The following KATNAL2 variants were observed in gnomAD, a reference collection of about 807,000 sequenced individuals.
KATNAL2 encodes katanin catalytic subunit A1 like 2.
A neutral mutation model predicts 76.3 loss-of-function variants in KATNAL2; 52 were observed. That is an observed-to-expected ratio of 0.68 (90% CI 0.55 to 0.86). The LOEUF is 0.86. Ranked by LOEUF, KATNAL2 falls within the 40% of genes least tolerant of loss-of-function variation. KATNAL2 has a pLI of 0.00. For synonymous variants in KATNAL2, 243 were observed against 244.2 expected, an observed-to-expected ratio of 1.00 and a Z score of 0.05; for missense variants, 660 against 668.9, an observed-to-expected ratio of 0.99 and a Z score of 0.15.
chr18:47,073,012 A>G (rs1160862812), intron 13 of KATNAL2, among the ~76,000 whole-genome samples: 1 of 152,120 alleles, frequency 6.6e-6, no homozygotes, highest in Non-Finnish European at 1.5e-5. Context: ...ATTTTTGCCC[A>G]TATAGTATGG....
intron 10 of KATNAL2, among the ~76,000 whole-genome samples, chr18:47,065,544 T>C (rs1209413328): frequency 6.6e-6 from 1 of 151,922 alleles, no homozygotes; most frequent in Admixed American, 6.6e-5. Context: ...TGGCATGTGC[T>C]GGTAGTCCTA....
At chr18:47,034,764 G>A (rs1478266430) in intron 3 of KATNAL2, 2 of 1,612,752 alleles carry the variant, frequency 1.2e-6, no homozygotes, top group Non-Finnish European at 1.7e-6. Flanking sequence ...AGGCCCGATA[G>A]CGGCCGGAAT....
intron 15 of KATNAL2, chr18:47,091,330 A>C (rs2062990933): frequency 6.6e-6 from 1 of 152,156 alleles, no homozygotes; most frequent in Non-Finnish European, 1.5e-5. Flanking sequence ...GCTGCATTTC[A>C]CACTTGCTGT....
At chr18:46,947,165 G>A (rs979667333) in intron 3 of KATNAL2, among the ~76,000 whole-genome samples, 1 of 152,158 alleles carries the variant, frequency 6.6e-6, no homozygotes, top group Non-Finnish European at 1.5e-5. Flanking sequence ...TGAAAGGGAC[G>A]GCAGGGTCGG....
At chr18:47,036,352 G>C (rs960764175) in intron 3 of KATNAL2, among the ~76,000 whole-genome samples, 1 of 152,182 alleles carries the variant, frequency 6.6e-6, no homozygotes, top group Non-Finnish European at 1.5e-5. Context: ...AACTCTGTTA[G>C]TAAGCATATT....
At chr18:47,093,888 C>T (rs77087842) in intron 15 of KATNAL2, among the ~76,000 whole-genome samples, 64 of 152,290 alleles carry the variant, frequency 4.2e-4, no homozygotes, top group Middle Eastern at 6.8e-3. Flanking sequence ...TTTTTAATTT[C>T]TTCTATCATA....
intron 1 of KATNAL2, among the ~76,000 whole-genome samples, chr18:46,931,139 T>TAATAATAATAATAATAATAAA (rs1555824545): frequency 2.3e-4 from 28 of 122,792 alleles, no homozygotes; most frequent in Non-Finnish European, 3.1e-4. Flanking sequence ...ATAATAATAA[T>TAATAATAATAATAATAATAAA]AAATAAATAA....
At chr18:46,961,591 T>C (rs2059955670) in intron 3 of KATNAL2, among the ~76,000 whole-genome samples, 1 of 152,192 alleles carries the variant, frequency 6.6e-6, no homozygotes, top group African/African-American at 2.4e-5. Context: ...TGAAAGACAT[T>C]TTTCAAATAC....
chr18:46,926,144 T>G (rs2058722678), intron 1 of KATNAL2, among the ~76,000 whole-genome samples: 2 of 152,220 alleles, frequency 1.3e-5, no homozygotes, highest in South Asian at 4.1e-4. Flanking sequence ...ATGTGTTTGC[T>G]CTTGCTTTTC....
chr18:47,037,850 AT>A (rs5824648), intron 3 of KATNAL2, among the ~76,000 whole-genome samples: 305 of 148,018 alleles, frequency 2.1e-3, no homozygotes, highest in African/African-American at 3.4e-3. Context: ...TAGGAAAGCC[AT>A]TTTTTTTTTT....
intron 3 of KATNAL2, chr18:47,032,861 A>C (rs1215494884): frequency 1.3e-6 from 2 of 1,520,910 alleles, no homozygotes; most frequent in East Asian, 2.3e-5. Context: ...GGGCCAGCAC[A>C]TGACACCTGC....
At chr18:47,066,012 T>G (rs1309850257) in intron 10 of KATNAL2, among the ~76,000 whole-genome samples, 1 of 151,400 alleles carries the variant, frequency 6.6e-6, no homozygotes, top group Non-Finnish European at 1.5e-5. Context: ...AAAAAAAATT[T>G]TAAAAAAATA....
chr18:46,948,795 C>T (rs574880643), intron 3 of KATNAL2, among the ~76,000 whole-genome samples: 1 of 152,136 alleles, frequency 6.6e-6, no homozygotes, highest in South Asian at 2.1e-4. Context: ...CTTTGTTAAG[C>T]CCCAGACCAA....
chr18:46,955,599 G>A (rs962935673), intron 3 of KATNAL2, among the ~76,000 whole-genome samples: 1 of 151,858 alleles, frequency 6.6e-6, no homozygotes, highest in African/African-American at 2.4e-5. Flanking sequence ...TCACCGTTTT[G>A]CCCAGGCTGG....
intron 15 of KATNAL2, among the ~76,000 whole-genome samples, chr18:47,083,269 ATCTTTC>A (rs1205809116): frequency 1.3e-5 from 2 of 152,210 alleles, no homozygotes; most frequent in Non-Finnish European, 2.9e-5. Flanking sequence ...GTGGGAACAG[ATCTTTC>A]TCTTGACTTC....
intron 3 of KATNAL2, chr18:47,034,098 G>C: frequency 6.2e-7 from 1 of 1,614,198 alleles, no homozygotes; most frequent in Non-Finnish European, 8.5e-7. Flanking sequence ...GCAACTGATC[G>C]TAGGTGAGGT....
intron 15 of KATNAL2, chr18:47,091,325 ATT>A (rs1479479474): frequency 6.6e-6 from 1 of 152,206 alleles, no homozygotes; most frequent in Non-Finnish European, 1.5e-5. Flanking sequence ...TCTTTGCTGC[ATT>A]TCACACTTGC....
chr18:46,918,277 C>T (rs1300435039), intron 1 of KATNAL2, among the ~76,000 whole-genome samples: 1 of 152,134 alleles, frequency 6.6e-6, no homozygotes, highest in Non-Finnish European at 1.5e-5. Flanking sequence ...TGGACGGTGT[C>T]CAGGGTTCAA....
In KATNAL2 at chr18:47,101,089, G is replaced by A. The variant is rs1169849662; in HGVS notation, c.*84G>A. The stretch of plus-strand genomic sequence containing the variant: ...ATGTCCGTGGGAGAACAAAATGATT[G>A]GAATGGAAAAGAGAAAATTATTTTT... On this transcript the variant is annotated 3_prime_UTR_variant, in exon 18 of 18. Transcript: ENST00000683218. 12 of 1,480,368 alleles carry A rather than the reference G, an allele frequency of 8.1e-6. No individual in the cohort carries two copies. Among genetic ancestry groups the A allele is most frequent in the Non-Finnish European group, 1.1e-5 (12 of 1,075,332 alleles). The allele number at this position is 1,480,368 out of a possible 1,614,324, so 91.7% of individuals were successfully genotyped here.
Sources: gnomAD v4.1 joint callset for allele counts (sites outside exome capture counted in the v4.1 genomes callset) on GRCh38, gnomAD v4.1.1 for gene constraint, MANE v1.5 for transcripts, NCBI Gene and HGNC (gene_info 2026-07-23, HGNC 2026-07-21) for gene names.